USP30: variants seen among roughly 807,000 people sequenced by gnomAD.
USP30 encodes the protein ubiquitin carboxyl-terminal hydrolase 30.
In USP30, 41 loss-of-function variants were observed where a neutral mutation model predicts 68.2. The observed-to-expected ratio is 0.60, with a 90% CI of 0.47 to 0.78. The LOEUF is 0.78. USP30 is among the 30% of genes least tolerant of loss of function. The pLI, the probability that USP30 is intolerant of heterozygous loss-of-function variation, is 0.00. For synonymous variants in USP30, 229 were observed against 253.7 expected, an observed-to-expected ratio of 0.90 and a Z score of 0.93; for missense variants, 522 against 649.4, an observed-to-expected ratio of 0.80 and a Z score of 2.13.
At chr12:109,079,990 G>T (rs141319795) in intron 7 of USP30, among the ~76,000 whole-genome samples, 2 of 152,230 alleles carry the variant, frequency 1.3e-5, no homozygotes, top group East Asian at 3.9e-4. Context: ...ATTTTCTTCT[G>T]GCCTGCAGTT....
intron 5 of USP30, 59 bp downstream of exon 5, chr12:109,071,769 G>A: frequency 6.9e-7 from 1 of 1,440,774 alleles, no homozygotes; most frequent in Non-Finnish European, 9.6e-7. Context: ...AATAAGTATA[G>A]GGGAGGCAAG....
chr12:109,049,612 C>T (rs766156673), upstream of USP30, among the ~76,000 whole-genome samples: 28 of 151,514 alleles, frequency 1.8e-4, no homozygotes, highest in South Asian at 4.2e-4. Context: ...GTCAGGAGTT[C>T]GAAACCAGCC....
At chr12:109,045,865 T>A (rs2040600193) in intron 3 of USP30, among the ~76,000 whole-genome samples, 1 of 152,080 alleles carries the variant, frequency 6.6e-6, no homozygotes, top group South Asian at 2.1e-4. Context: ...GATACAGACA[T>A]AGACACATAG....
chr12:109,029,162 A>G (rs2040464460), intron 3 of USP30, among the ~76,000 whole-genome samples: 4 of 152,226 alleles, frequency 2.6e-5, no homozygotes, highest in Non-Finnish European at 4.4e-5. Context: ...GTTCTCACAG[A>G]AAGATACTGG....
At chr12:109,073,126 C>CACAAGTGA in intron 6 of USP30, among the ~76,000 whole-genome samples, 1 of 152,182 alleles carries the variant, frequency 6.6e-6, no homozygotes. Context: ...CTTGTGGTAT[C>CACAAGTGA]CTTCTTTTGA....
At chr12:109,072,407 A>C in intron 6 of USP30, 57 bp downstream of exon 6, 1 of 1,549,154 alleles carries the variant, frequency 6.5e-7, no homozygotes, top group Non-Finnish European at 8.9e-7. Flanking sequence ...AGATATGATA[A>C]TAATTTGCTT....
intron 3 of USP30, among the ~76,000 whole-genome samples, chr12:109,064,086 A>G (rs544473970): frequency 6.6e-6 from 1 of 151,834 alleles, no homozygotes; most frequent in East Asian, 1.9e-4. Flanking sequence ...GTTGGCCAGG[A>G]TGGTCTCGAT....
intron 3 of USP30, 65 bp downstream of exon 3, chr12:109,058,173 C>T: frequency 6.7e-7 from 1 of 1,488,106 alleles, no homozygotes; most frequent in African/African-American, 1.4e-5. Context: ...GACAGAGACT[C>T]TTATAACAAA....
chr12:109,071,330 G>T lies in USP30; in HGVS notation c.481-282G>T, dbSNP rs77295439. On this transcript the variant is annotated intron_variant, in intron 4 of 12. Transcript: ENST00000257548. ...CATAATCTTTTGAAATCGGAGTGGA[G>T]GTCAAGGCTGTCTCAGTGAAACAGA... is the stretch of plus-strand genomic sequence containing the variant. 8.6e-3 allele frequency among the ~76,000 whole-genome samples: 1,313 copies of T among 152,350 alleles called. 12 individuals carry two copies. Among genetic ancestry groups the T allele is most frequent in the South Asian group, 0.04 (193 of 4,818 alleles).
chr12:109,027,500 G>C (rs1327656098), exon 3 of USP30: 5 of 152,076 alleles, frequency 3.3e-5, no homozygotes. Flanking sequence ...GGCTGGTCTC[G>C]AACTCCGGCT....
Position 109,052,760 on chromosome 12 carries a change from A to G in USP30, c.82A>G (p.Arg28Gly). The G allele has an allele frequency of 1.4e-6, 2 of 1,449,856 alleles. No homozygotes were observed. The highest frequency in any genetic ancestry group is 1.8e-6 in the Non-Finnish European group (2 of 1,101,674). The allele number at this position is 1,449,856 out of a possible 1,614,324, so 89.8% of individuals were successfully genotyped here. The change falls in exon 1 of 13, where the codon AGA (arginine) becomes GGA (glycine). Residue 28 changes from arginine to glycine, a missense_variant and splice_region_variant. Transcript: ENST00000257548. ...QRFLRTGAAVRYKVMKNWGVI... is the reference protein window; with the variant it reads ...QRFLRTGAAVGYKVMKNWGVI... ...CTTCCTGCGGACCGGGGCGGCCGTC[A>G]GGTGAGATTTTGGGGGGCGGGGCTG...
intron 3 of USP30, among the ~76,000 whole-genome samples, chr12:109,037,313 A>T (rs1303545365): frequency 6.6e-6 from 1 of 151,920 alleles, no homozygotes; most frequent in East Asian, 1.9e-4. Flanking sequence ...ATTTGGGGAG[A>T]CATTGTTCTC....
chr12:109,052,520 T>G, upstream of USP30: 1 of 574,738 alleles, frequency 1.7e-6, no homozygotes, highest in Non-Finnish European at 2.7e-6. Context: ...GGGCAGCTAC[T>G]TCCGGTCCCC....
intron 1 of USP30, among the ~76,000 whole-genome samples, chr12:109,024,081 C>A (rs974531382): frequency 2.6e-5 from 4 of 152,042 alleles, no homozygotes; most frequent in Non-Finnish European, 4.4e-5. Context: ...GGGTGGGTAA[C>A]CTCGAGCAGG....
intron 3 of USP30, among the ~76,000 whole-genome samples, chr12:109,062,137 G>A (rs1312291462): frequency 6.6e-6 from 1 of 151,930 alleles, no homozygotes; most frequent in Non-Finnish European, 1.5e-5. Flanking sequence ...GTTTCACACT[G>A]TTGCCTAGGC....
Position 109,081,259 on chromosome 12 carries a change from G to A in USP30, c.721-75G>A. The A allele has an allele frequency of 3.6e-6, 5 of 1,390,030 alleles. No homozygotes were observed. In the East Asian group the frequency reaches 9.1e-5, roughly 25 times the overall value. 86.1% of individuals were successfully genotyped at this position (1,390,030 alleles called of 1,614,324 possible). A position where few individuals can be genotyped will look rare whatever the true frequency, so the allele number is the denominator to read the frequency against. On this transcript the variant is annotated intron_variant, in intron 7 of 12. Coordinates refer to ENST00000257548, the MANE Select transcript of USP30 (RefSeq NM_032663.5). ...CATCTCAATATTAAACTGTTTCATA[G>A]TCACATATCTTGCATCTTTAAAACT...
At chr12:109,032,376 T>C (rs1197380659) in intron 3 of USP30, among the ~76,000 whole-genome samples, 1 of 152,124 alleles carries the variant, frequency 6.6e-6, no homozygotes, top group African/African-American at 2.4e-5. Flanking sequence ...CAGCCAAAAA[T>C]TGGAAACAAG....
intron 1 of USP30, among the ~76,000 whole-genome samples, chr12:109,024,612 T>C (rs1294676725): frequency 6.6e-6 from 1 of 151,398 alleles, no homozygotes; most frequent in African/African-American, 2.4e-5. Context: ...CCTAGAGAAC[T>C]GGTAAAGCAG....
chr12:109,078,472 T>A (rs1007073004), intron 7 of USP30, among the ~76,000 whole-genome samples: 1 of 149,226 alleles, frequency 6.7e-6, no homozygotes, highest in Non-Finnish European at 1.5e-5. Flanking sequence ...ACCAGTAGTA[T>A]GCAAGAGTTG....
Sources: allele counts gnomAD v4.1 joint callset (sites outside exome capture counted in the v4.1 genomes callset), GRCh38; gene constraint gnomAD v4.1.1; transcripts MANE v1.5; gene names NCBI Gene and HGNC (gene_info 2026-07-23, HGNC 2026-07-21).